The following CHRM3 variants were observed in gnomAD, a reference collection of about 807,000 sequenced individuals.
The protein encoded by CHRM3 is muscarinic acetylcholine receptor M3.
Under a neutral mutation model 41.8 loss-of-function variants are expected in CHRM3, and 11 were observed. The observed-to-expected ratio is 0.26, with a 90% confidence interval of 0.17 to 0.44. The LOEUF is 0.44. Ranked by LOEUF, CHRM3 falls within the 20% of genes least tolerant of loss-of-function variation. The pLI, the probability that CHRM3 is intolerant of heterozygous loss-of-function variation, is 1.00. For missense variants in CHRM3, 571 were observed against 745.4 expected (o/e 0.77, Z 2.72); for synonymous variants, 297 against 301.4 (o/e 0.99, Z 0.15).
chr1:239,446,742 T>A (rs567069879), intron 1 of CHRM3, among the ~76,000 whole-genome samples: 52 of 152,228 alleles, frequency 3.4e-4, no homozygotes, highest in Non-Finnish European at 6.3e-4. Context: ...TTAAGTATGA[T>A]AAAGGCAATG....
At chr1:239,894,742 T>C (rs189698155) in intron 6 of CHRM3, among the ~76,000 whole-genome samples, 35 of 152,168 alleles carry the variant, frequency 2.3e-4, no homozygotes, top group African/African-American at 6.5e-4. Context: ...CGAGAAGTCT[T>C]CCATTTATAA....
At chr1:239,506,759 T>C (rs779673950) in intron 2 of CHRM3, among the ~76,000 whole-genome samples, 5 of 152,114 alleles carry the variant, frequency 3.3e-5, no homozygotes, top group African/African-American at 1.2e-4. Context: ...AGACACTCAA[T>C]GCCAGCCCAT....
At position 239,451,750 on chromosome 1, in the gene CHRM3, G is replaced by A. The variant is rs527901368; in HGVS notation, c.-520-40959G>A. On this transcript the variant is annotated intron_variant, in intron 1 of 6. Coordinates refer to ENST00000676153, the MANE Select transcript of CHRM3 (RefSeq NM_001375978.1). ...GAAATTTATAAACACATTTTAACAC[G>A]GAAATATTATTGAATGCAAAATATA... is the stretch of plus-strand genomic sequence containing the variant. 1.7e-4 allele frequency among the ~76,000 whole-genome samples: 26 copies of A among 151,934 alleles called. No homozygotes were observed. The South Asian group carries it at 5.0e-3, about 29-fold the overall frequency.
intron 1 of CHRM3, among the ~76,000 whole-genome samples, chr1:239,461,320 G>A (rs1665343409): frequency 6.6e-6 from 1 of 152,128 alleles, no homozygotes; most frequent in Non-Finnish European, 1.5e-5. Flanking sequence ...ATCCTTCTGA[G>A]AGTAGATATC....
At chr1:239,500,780 T>C (rs1668191139) in intron 2 of CHRM3, among the ~76,000 whole-genome samples, 1 of 152,032 alleles carries the variant, frequency 6.6e-6, no homozygotes. Context: ...ACATCACATT[T>C]CAGTACTAAC....
Position 239,748,767 on chromosome 1 carries a change from C to T in CHRM3, c.-147+70479C>T, listed in dbSNP as rs60040531. Among the ~76,000 whole-genome samples, 12,580 of 152,234 alleles carry T rather than the reference C, an allele frequency of 0.083. 1,366 individuals carry two copies. Among genetic ancestry groups the T allele is most frequent in the African/African-American group, 0.25 (10,408 of 41,506 alleles). Reference sequence around the variant, plus strand: ...ACTTCATTTAACAAGGAATAATTTACAGAACACAAAGAAGTTTTATGCAAA... The same window carrying T: ...ACTTCATTTAACAAGGAATAATTTATAGAACACAAAGAAGTTTTATGCAAA... On this transcript the variant is annotated intron_variant, in intron 5 of 6. Coordinates refer to ENST00000676153, the MANE Select transcript of CHRM3 (RefSeq NM_001375978.1). This position sits in a 1 kb window ranked among gnomAD's most constrained non-coding sequence, Gnocchi z 4.3.
rs1366048386 is a variant in CHRM3 at position 239,907,805 on chromosome 1, G to A, written c.354G>A (p.Gly118=). Reference sequence around the variant, plus strand: ...TGGCCTGTGCCGATCTGATTATCGGGGTCATTTCAATGAATCTGTTTACGA... The same window carrying A: ...TGGCCTGTGCCGATCTGATTATCGGAGTCATTTCAATGAATCTGTTTACGA... ...LSLACADLII[G]VISMNLFTTY... is the part of the protein sequence containing the mutation. Residue 118 remains glycine (G), a synonymous_variant, in exon 7 of 7, where the codon GGG becomes GGA. Transcript: ENST00000676153. This position sits in a 1 kb window ranked among gnomAD's most constrained non-coding sequence, Gnocchi z 5.4. The A allele has an allele frequency of 6.2e-7, 1 of 1,614,146 alleles. No individual in the cohort carries two copies. Among genetic ancestry groups the A allele is most frequent in the Non-Finnish European group, 8.5e-7 (1 of 1,180,030 alleles).
chr1:239,744,801 C>A (rs1665202034), intron 5 of CHRM3, among the ~76,000 whole-genome samples: 1 of 152,120 alleles, frequency 6.6e-6, no homozygotes. Flanking sequence ...TTGGTCCCTA[C>A]TGAGTGTTTA....
At chr1:239,818,919 T>C (rs1287861187) in intron 5 of CHRM3, among the ~76,000 whole-genome samples, 1 of 152,182 alleles carries the variant, frequency 6.6e-6, no homozygotes, top group Non-Finnish European at 1.5e-5. Context: ...TTGGTTGCTG[T>C]GAAGCTCCTG....
rs1677572524 is a variant in CHRM3 at position 239,881,177 on chromosome 1, G to A, written c.-19-26256G>A. Among the ~76,000 whole-genome samples the A allele has an allele frequency of 2.0e-5, 3 of 149,864 alleles. No individual in the cohort carries two copies. The Admixed American group carries it at 2.0e-4, about 10-fold the overall frequency. The stretch of plus-strand genomic sequence containing the variant: ...GGGCGCCTGTAGTCCCAGCTTCTCG[G>A]GAGGCTGAGGCAGGAGAATGGCGTG... On this transcript the variant is annotated intron_variant, in intron 6 of 6. Coordinates refer to ENST00000676153, the MANE Select transcript of CHRM3 (RefSeq NM_001375978.1).
chr1:239,496,129 T>C (rs1468407043), intron 2 of CHRM3, among the ~76,000 whole-genome samples: 2 of 152,130 alleles, frequency 1.3e-5, no homozygotes, highest in Non-Finnish European at 2.9e-5. Flanking sequence ...GTCTCTCTAT[T>C]TATTTCTTTT....
At chr1:239,878,876 TGAG>T (rs1677350198) in intron 6 of CHRM3, among the ~76,000 whole-genome samples, 1 of 152,094 alleles carries the variant, frequency 6.6e-6, no homozygotes, top group South Asian at 2.1e-4. Context: ...TAATTCAGCC[TGAG>T]GAGGAAGGGC....
At chr1:239,405,476 A>C (rs914451776) in intron 1 of CHRM3, among the ~76,000 whole-genome samples, 22 of 152,286 alleles carry the variant, frequency 1.4e-4, no homozygotes, top group African/African-American at 5.3e-4. Context: ...AACAAGCCTG[A>C]TTCTACTCGG....
At chr1:239,581,597 A>G (rs1662904374) in intron 3 of CHRM3, among the ~76,000 whole-genome samples, 1 of 152,178 alleles carries the variant, frequency 6.6e-6, no homozygotes, top group African/African-American at 2.4e-5. Context: ...TTATTAATTG[A>G]ATATCATTTA....
chr1:239,400,332 C>T (rs1011580808), intron 1 of CHRM3, among the ~76,000 whole-genome samples: 1 of 152,048 alleles, frequency 6.6e-6, no homozygotes, highest in African/African-American at 2.4e-5. Context: ...TTTTTGACTT[C>T]CTTATATGTT....
At chr1:239,690,815 T>C in intron 5 of CHRM3, among the ~76,000 whole-genome samples, 1 of 151,812 alleles carries the variant, frequency 6.6e-6, no homozygotes, top group African/African-American at 2.4e-5. Flanking sequence ...GGCTGAAAAA[T>C]TTTATATATA....
At chr1:239,389,481 T>A (rs2102903977) in intron 1 of CHRM3, among the ~76,000 whole-genome samples, 1 of 152,366 alleles carries the variant, frequency 6.6e-6, no homozygotes, top group African/African-American at 2.4e-5. Context: ...ACAAATGATT[T>A]AATTTCTTAA....
At chr1:239,403,500 T>C (rs1001635919) in intron 1 of CHRM3, among the ~76,000 whole-genome samples, 2 of 152,186 alleles carry the variant, frequency 1.3e-5, no homozygotes, top group African/African-American at 4.8e-5. Context: ...TTTCTCTGAC[T>C]GAGATTCAGA....
intron 4 of CHRM3, among the ~76,000 whole-genome samples, chr1:239,640,471 A>G (rs917605344): frequency 3.9e-5 from 6 of 152,146 alleles, no homozygotes; most frequent in African/African-American, 9.7e-5. Flanking sequence ...CAGAGATTCA[A>G]CTTCTTCGTG....
Sources: gnomAD v4.1 joint callset for allele counts (sites outside exome capture counted in the v4.1 genomes callset) on GRCh38, gnomAD v4.1.1 for gene constraint, Gnocchi (gnomAD v3.1) non-coding constraint, MANE v1.5 for transcripts, NCBI Gene and HGNC (gene_info 2026-07-23, HGNC 2026-07-21) for gene names.